FAT3: variants seen among roughly 807,000 people sequenced by gnomAD.
FAT3 encodes protocadherin Fat 3.
In FAT3, 95 loss-of-function variants were observed where a neutral mutation model predicts 310.2. That is an observed-to-expected ratio of 0.31 (90% CI 0.26 to 0.36). The LOEUF is 0.36. Among genes scored for constraint, FAT3 ranks in the 10% least tolerant of loss-of-function variants. The probability of loss-of-function intolerance (pLI) is 1.00; values close to 1 mark genes in which losing one functional copy is unlikely to be tolerated. For missense variants in FAT3, 5,408 were observed against 5,715.6 expected, an observed-to-expected ratio of 0.95 and a Z score of 1.74; for synonymous variants, 2,314 against 2,192.9, an observed-to-expected ratio of 1.06 and a Z score of -1.54.
intron 18 of FAT3, among the ~76,000 whole-genome samples, chr11:92,843,360 G>A (rs1948595874): frequency 6.6e-6 from 1 of 152,234 alleles, no homozygotes; most frequent in Non-Finnish European, 1.5e-5. Context: ...TGTTGCCAGA[G>A]TGGATGTTCT....
At chr11:92,613,074 C>G (rs887271493) in intron 3 of FAT3, among the ~76,000 whole-genome samples, 1 of 152,140 alleles carries the variant, frequency 6.6e-6, no homozygotes, top group Admixed American at 6.5e-5. Context: ...CATTTAAGTT[C>G]TTTAAAACCT....
intron 2 of FAT3, among the ~76,000 whole-genome samples, chr11:92,454,609 T>C (rs117624490): frequency 0.011 from 1,663 of 152,274 alleles, 18 homozygotes; most frequent in Non-Finnish European, 0.014. Context: ...CACTTAACTT[T>C]ATCAGGATAT....
At chr11:92,403,165 T>C (rs542066757) in intron 2 of FAT3, 1 of 152,292 alleles carries the variant, frequency 6.6e-6, no homozygotes, top group East Asian at 1.9e-4. Flanking sequence ...AAAATGAAGA[T>C]GGATATGGGG....
chr11:92,641,582 T>C (rs1941965621), intron 3 of FAT3, among the ~76,000 whole-genome samples: 1 of 152,184 alleles, frequency 6.6e-6, no homozygotes, highest in South Asian at 2.1e-4. Context: ...CACATTGCTT[T>C]CCACTCCATG....
intron 3 of FAT3, among the ~76,000 whole-genome samples, chr11:92,653,487 A>G (rs1488843678): frequency 6.6e-6 from 1 of 152,110 alleles, no homozygotes; most frequent in Non-Finnish European, 1.5e-5. Flanking sequence ...CTTCCTACCA[A>G]GATGCTCTGT....
chr11:92,487,244 G>A (rs1448843206), intron 2 of FAT3, among the ~76,000 whole-genome samples: 1 of 152,104 alleles, frequency 6.6e-6, no homozygotes. Context: ...GGCCATGCAG[G>A]TGATGTTTTT....
chr11:92,257,841 C>T (rs1324689879), intron 1 of FAT3, among the ~76,000 whole-genome samples: 7 of 152,002 alleles, frequency 4.6e-5, no homozygotes, highest in African/African-American at 7.2e-5. Flanking sequence ...TTTACTTTTC[C>T]ATGGACTGTA....
chr11:92,368,183 T>A (rs1224427168), intron 2 of FAT3, among the ~76,000 whole-genome samples: 1 of 152,196 alleles, frequency 6.6e-6, no homozygotes, highest in African/African-American at 2.4e-5. Context: ...AATTTTGTAA[T>A]CATTGCCATA....
chr11:92,700,124 T>C (rs1244429935), intron 4 of FAT3, among the ~76,000 whole-genome samples: 1 of 152,158 alleles, frequency 6.6e-6, no homozygotes, highest in East Asian at 1.9e-4. Flanking sequence ...TAAAAGAAAG[T>C]TCCATGATAG....
At chr11:92,324,108 T>C (rs1947703660) in intron 1 of FAT3, among the ~76,000 whole-genome samples, 1 of 152,230 alleles carries the variant, frequency 6.6e-6, no homozygotes, top group Admixed American at 6.5e-5. Flanking sequence ...CTTAAGGGAA[T>C]GTTGTGGCTG....
At position 92,490,329 on chromosome 11, in the gene FAT3, A is replaced by G. The variant is rs1952565430; in HGVS notation, c.3293-34305A>G. On this transcript the variant is annotated intron_variant, in intron 2 of 27. Coordinates refer to ENST00000525166, the MANE Select transcript of FAT3 (RefSeq NM_001367949.2). Reference sequence around the variant, plus strand: ...GAATGGCTCTTTGTTCTGCATTTAAAATATTACTACAGTGTTCACTGGAAA... The same window carrying G: ...GAATGGCTCTTTGTTCTGCATTTAAGATATTACTACAGTGTTCACTGGAAA... 3.9e-5 allele frequency among the ~76,000 whole-genome samples: 6 copies of G among 152,128 alleles called. No homozygotes were observed. In the South Asian group the frequency reaches 1.2e-3, roughly 31 times the overall value.
At chr11:92,251,829 A>G (rs890775288) in intron 1 of FAT3, among the ~76,000 whole-genome samples, 5 of 152,178 alleles carry the variant, frequency 3.3e-5, no homozygotes, top group Admixed American at 6.5e-5. Context: ...TTGAGAAAAG[A>G]GATAATAAAT....
intron 13 of FAT3, among the ~76,000 whole-genome samples, chr11:92,814,341 G>C (rs907809366): frequency 6.6e-6 from 1 of 152,102 alleles, no homozygotes; most frequent in Non-Finnish European, 1.5e-5. Context: ...ATATATTATT[G>C]CTTTTAGCCA....
Position 92,352,152 on chromosome 11 carries a change from C to A in FAT3, c.40C>A (p.Pro14Thr). The A allele has an allele frequency of 7.3e-7, 1 of 1,367,972 alleles. No individual in the cohort carries two copies. Among genetic ancestry groups the A allele is most frequent in the Non-Finnish European group, 9.8e-7 (1 of 1,022,526 alleles). The allele number at this position is 1,367,972 out of a possible 1,614,324, so 84.7% of individuals were successfully genotyped here. The change falls in exon 2 of 28, where the codon CCT (proline) becomes ACT (threonine). Residue 14 changes from proline to threonine, a missense_variant. Transcript: ENST00000525166. ...GGGACACTGTGTGGGCACACGGCCT[C>A]CTGCTTGTTGCCTCATCCTCCTGCT... Reference protein sequence around the residue: ...IMGHCVGTRPPACCLILLLFK... With the variant: ...IMGHCVGTRPTACCLILLLFK...
chr11:92,526,665 C>A (rs1395589287), intron 3 of FAT3, among the ~76,000 whole-genome samples: 2 of 152,006 alleles, frequency 1.3e-5, no homozygotes, highest in Non-Finnish European at 2.9e-5. Flanking sequence ...CTAAAGCTTT[C>A]TTTTATATGG....
intron 2 of FAT3, among the ~76,000 whole-genome samples, chr11:92,441,265 GT>G (rs1951058142): frequency 6.6e-6 from 1 of 152,090 alleles, no homozygotes; most frequent in Admixed American, 6.6e-5. Flanking sequence ...TTTAGTGTTG[GT>G]TTACTTTTAT....
At chr11:92,523,532 G>T (rs112612075) in intron 2 of FAT3, among the ~76,000 whole-genome samples, 3 of 152,110 alleles carry the variant, frequency 2.0e-5, no homozygotes, top group African/African-American at 7.2e-5. Context: ...CTTATGCAGG[G>T]TCTATAGGCT....
chr11:92,595,232 G>A (rs1420259002), intron 3 of FAT3, among the ~76,000 whole-genome samples: 6 of 152,070 alleles, frequency 3.9e-5, no homozygotes, highest in Non-Finnish European at 8.8e-5. Flanking sequence ...GATGATGGAG[G>A]CAGAGTCTCT....
rs551133664 is a variant in FAT3 at position 92,741,637 on chromosome 11, G to A, written c.3670-20219G>A. ...TCTGTTTGAACCTATTTAAGTCTACGGAGTTGATCTTTATTTAAAATTTAC... is the reference window on the plus strand; with the variant it reads ...TCTGTTTGAACCTATTTAAGTCTACAGAGTTGATCTTTATTTAAAATTTAC... On this transcript the variant is annotated intron_variant, in intron 4 of 27. Transcript: ENST00000525166. Among the ~76,000 whole-genome samples the A allele has an allele frequency of 2.2e-4, 33 of 152,202 alleles. 1 individual carries two copies. The South Asian group carries it at 5.8e-3, about 27-fold the overall frequency.
Sources: allele counts gnomAD v4.1 joint callset (sites outside exome capture counted in the v4.1 genomes callset), GRCh38; gene constraint gnomAD v4.1.1; transcripts MANE v1.5; gene names NCBI Gene and HGNC (gene_info 2026-07-23, HGNC 2026-07-21).